The following CTDSP2 variants were observed in gnomAD, a reference collection of about 807,000 sequenced individuals.
CTDSP2 encodes the protein carboxy-terminal domain RNA polymerase II polypeptide A small phosphatase 2.
In CTDSP2, 9 loss-of-function variants were observed where a neutral mutation model predicts 31.6. The ratio of observed to expected loss-of-function variants is 0.28; its 90% CI spans 0.17 to 0.50. The LOEUF is 0.50. CTDSP2 is among the 20% of genes least tolerant of loss of function. CTDSP2 has a pLI of 0.98. For missense variants in CTDSP2, 267 were observed against 348.5 expected (o/e 0.77, Z 1.86); for synonymous variants, 134 against 134.5 (o/e 1.00, Z 0.03).
rs777781101 is a variant in CTDSP2 at position 57,824,184 on chromosome 12, C to T, written c.504+43G>A. ...GGGAGCTGCTGGACCACCCCCGTGG[C>T]CACCACACCCACTCCTGGTTCTTCC... On this transcript the variant is annotated intron_variant, in intron 6 of 7. Coordinates refer to ENST00000398073, the MANE Select transcript of CTDSP2 (RefSeq NM_005730.4). The T allele has an allele frequency of 2.0e-5, 32 of 1,608,166 alleles. No individual in the cohort carries two copies. In the South Asian group the frequency reaches 3.3e-4, roughly 17 times the overall value.
intron 1 of CTDSP2, among the ~76,000 whole-genome samples, chr12:57,833,848 C>T (rs923102686): frequency 2.6e-5 from 4 of 152,200 alleles, no homozygotes; most frequent in South Asian, 2.1e-4. Flanking sequence ...TCTAGGCCAC[C>T]GCCATGTTTA....
chr12:57,830,052 G>A (rs916886626), intron 1 of CTDSP2, among the ~76,000 whole-genome samples: 1 of 152,188 alleles, frequency 6.6e-6, no homozygotes, highest in Non-Finnish European at 1.5e-5. Context: ...CCTAGATACT[G>A]GCTTAGTGGA....
chr12:57,821,705 T>TG lies in CTDSP2; in HGVS notation c.*1896dup, dbSNP rs530078112. The stretch of plus-strand genomic sequence containing the variant: ...AGACAGTATATTTCTGGCTAGCACA[T>TG]GGGGTCCTTCTCCCTTTAGGTACAC... On this transcript the variant is annotated 3_prime_UTR_variant, in exon 8 of 8. Transcript: ENST00000398073. The TG allele has an allele frequency of 1.9e-3, 293 of 152,366 alleles. 1 individual carries two copies. Among genetic ancestry groups the TG allele is most frequent in the South Asian group, 9.7e-3 (47 of 4,822 alleles). 9.4% of individuals were successfully genotyped at this position (152,366 alleles called of 1,614,324 possible). A position where few individuals can be genotyped will look rare whatever the true frequency, so the allele number is the denominator to read the frequency against.
At chr12:57,828,105 C>CA (rs1956194266) in intron 2 of CTDSP2, among the ~76,000 whole-genome samples, 1 of 152,262 alleles carries the variant, frequency 6.6e-6, no homozygotes, top group Non-Finnish European at 1.5e-5. Flanking sequence ...GCAAGCCCCC[C>CA]ACCCCAATTT....
intron 1 of CTDSP2, among the ~76,000 whole-genome samples, chr12:57,841,894 A>G (rs1192554811): frequency 6.6e-6 from 1 of 152,224 alleles, no homozygotes; most frequent in Non-Finnish European, 1.5e-5. Context: ...ACTACTTTAT[A>G]GATAAGTTAC....
Position 57,826,491 on chromosome 12 carries a change from G to T in CTDSP2, c.355-89C>A. ...CCCCTAGGTGGGTGGGGAGAAACAGGTCTTAAAGACTCCTGGAAGTGCCTC... is the reference window on the plus strand; with the variant it reads ...CCCCTAGGTGGGTGGGGAGAAACAGTTCTTAAAGACTCCTGGAAGTGCCTC... On this transcript the variant is annotated intron_variant, in intron 4 of 7. Transcript: ENST00000398073. The T allele has an allele frequency of 7.7e-6, 10 of 1,301,078 alleles. No homozygotes were observed. In the South Asian group the frequency reaches 1.2e-4, roughly 16 times the overall value. 80.6% of individuals were successfully genotyped at this position (1,301,078 alleles called of 1,614,324 possible).
chr12:57,826,987 T>G lies in CTDSP2; in HGVS notation c.354+9A>C. On this transcript the variant is annotated intron_variant, in intron 4 of 7. Transcript: ENST00000398073. ...ATAAAGGTAGGAAGGGTTCCAGACA[T>G]TGAGTTACCTTAAAGGAGCTATGCA... is the stretch of plus-strand genomic sequence containing the variant. 6.2e-7 allele frequency: 1 copy of G among 1,600,502 alleles called. No individual in the cohort carries two copies. Among genetic ancestry groups the G allele is most frequent in the Non-Finnish European group, 8.6e-7 (1 of 1,169,006 alleles).
At chr12:57,835,241 T>C (rs1262710082) in intron 1 of CTDSP2, among the ~76,000 whole-genome samples, 2 of 151,520 alleles carry the variant, frequency 1.3e-5, no homozygotes, top group Non-Finnish European at 2.9e-5. Context: ...GGCAGGAGAA[T>C]TGCTTGAACC....
At chr12:57,841,640 G>A (rs770891348) in intron 1 of CTDSP2, among the ~76,000 whole-genome samples, 1 of 152,176 alleles carries the variant, frequency 6.6e-6, no homozygotes, top group African/African-American at 2.4e-5. Flanking sequence ...CAGCAAGGCT[G>A]TTTGTAAGCC....
chr12:57,845,192 A>G (rs1956306865), intron 1 of CTDSP2, among the ~76,000 whole-genome samples: 1 of 151,690 alleles, frequency 6.6e-6, no homozygotes, highest in Non-Finnish European at 1.5e-5. Flanking sequence ...CGGCCCCAGG[A>G]GCCAGCTCCC....
At chr12:57,827,247 G>T (rs1956188671) in intron 3 of CTDSP2, 150 bp from the exon 4 acceptor site, 1 of 649,476 alleles carries the variant, frequency 1.5e-6, no homozygotes, top group African/African-American at 1.8e-5. Flanking sequence ...AAAGGAGGTG[G>T]AGTTGTTTCC....
chr12:57,843,164 C>T (rs1456214876), intron 1 of CTDSP2, among the ~76,000 whole-genome samples: 1 of 152,130 alleles, frequency 6.6e-6, no homozygotes, highest in Non-Finnish European at 1.5e-5. Flanking sequence ...AGGCTGCCTC[C>T]ACCAGGTCTC....
intron 5 of CTDSP2, among the ~76,000 whole-genome samples, chr12:57,825,551 A>G (rs535194117): frequency 6.6e-6 from 1 of 152,202 alleles, no homozygotes; most frequent in South Asian, 2.1e-4. Flanking sequence ...CTAGACTGTC[A>G]AAGGGCTGCT....
chr12:57,831,362 AG>A (rs1465952453), intron 1 of CTDSP2, among the ~76,000 whole-genome samples: 1 of 152,100 alleles, frequency 6.6e-6, no homozygotes, highest in African/African-American at 2.4e-5. Context: ...CTGAGGCAGG[AG>A]AACTGCTTGA....
At chr12:57,827,902 G>C (rs558139096) in intron 2 of CTDSP2, among the ~76,000 whole-genome samples, 20 of 152,314 alleles carry the variant, frequency 1.3e-4, no homozygotes, top group African/African-American at 4.8e-4. Flanking sequence ...CACAGAGTCA[G>C]AGGCAGAACC....
At chr12:57,830,990 C>A (rs918416812) in intron 1 of CTDSP2, among the ~76,000 whole-genome samples, 1 of 151,164 alleles carries the variant, frequency 6.6e-6, no homozygotes, top group Non-Finnish European at 1.5e-5. Flanking sequence ...TCAGGTGATC[C>A]GCCCATCTCG....
intron 1 of CTDSP2, among the ~76,000 whole-genome samples, chr12:57,832,034 A>G (rs1227666973): frequency 6.6e-6 from 1 of 152,224 alleles, no homozygotes; most frequent in Non-Finnish European, 1.5e-5. Context: ...TATAGTCAGC[A>G]TCACTCCTAG....
intron 1 of CTDSP2, among the ~76,000 whole-genome samples, chr12:57,830,803 C>T (rs1363822522): frequency 6.6e-6 from 1 of 152,014 alleles, no homozygotes; most frequent in African/African-American, 2.4e-5. Context: ...GGCTGGAGTG[C>T]AATGGAGCGA....
Position 57,846,230 on chromosome 12 carries a change from G to C in CTDSP2, c.64+142C>G, listed in dbSNP as rs1044984350. The C allele has an allele frequency of 4.3e-6, 3 of 695,216 alleles. No homozygotes were observed. The African/African-American group carries it at 5.7e-5, about 13-fold the overall frequency. 43.1% of individuals were successfully genotyped at this position (695,216 alleles called of 1,614,324 possible). On this transcript the variant is annotated intron_variant, in intron 1 of 7. Coordinates refer to ENST00000398073, the MANE Select transcript of CTDSP2 (RefSeq NM_005730.4). ...AGGTCTGAGTGCCAGCCGGGATGCGGGGGCGGATGGACCGGAGGGGTCCAG... is the reference window on the plus strand; with the variant it reads ...AGGTCTGAGTGCCAGCCGGGATGCGCGGGCGGATGGACCGGAGGGGTCCAG...
Sources: allele counts gnomAD v4.1 joint callset (sites outside exome capture counted in the v4.1 genomes callset), GRCh38; gene constraint gnomAD v4.1.1; transcripts MANE v1.5; gene names NCBI Gene and HGNC (gene_info 2026-07-23, HGNC 2026-07-21).